UBR3: variants seen among roughly 807,000 people sequenced by gnomAD.
UBR3 encodes the protein E3 ubiquitin-protein ligase UBR3.
A neutral mutation model predicts 243.2 loss-of-function variants in UBR3; 85 were observed. The ratio of observed to expected loss-of-function variants is 0.35; its 90% CI spans 0.29 to 0.42. The LOEUF (loss-of-function observed/expected upper bound fraction) is 0.42, where lower values mean the gene tolerates loss of function less well. UBR3 is among the 10% of genes least tolerant of loss of function. The pLI is 1.00. For missense variants in UBR3, 1,686 were observed against 2,300.8 expected (o/e 0.73, Z 5.47); for synonymous variants, 748 against 799.8 (o/e 0.94, Z 1.09).
At chr2:170,001,547 A>C in intron 27 of UBR3, 133 bp downstream of exon 27, 1 of 597,728 alleles carries the variant, frequency 1.7e-6, no homozygotes, top group Non-Finnish European at 3.0e-6. Context: ...ATCCAGTCTC[A>C]CTTTAACACA....
intron 33 of UBR3, among the ~76,000 whole-genome samples, chr2:170,059,730 C>G (rs2091419843): frequency 6.7e-6 from 1 of 149,790 alleles, no homozygotes; most frequent in Middle Eastern, 3.2e-3. Context: ...AGTTTAGAAT[C>G]AGGACATAAT....
intron 1 of UBR3, among the ~76,000 whole-genome samples, chr2:169,840,337 A>G (rs2082249136): frequency 6.6e-6 from 1 of 152,088 alleles, no homozygotes; most frequent in Non-Finnish European, 1.5e-5. Context: ...ATTTCCTTGA[A>G]ATGCATGAGG....
intron 25 of UBR3, among the ~76,000 whole-genome samples, chr2:169,992,000 T>A (rs1043752733): frequency 2.6e-5 from 4 of 152,018 alleles, no homozygotes; most frequent in African/African-American, 9.7e-5. Flanking sequence ...TAGAATGCAG[T>A]GAAAATGGGG....
chr2:169,828,236 G>A (rs575341617), intron 1 of UBR3, among the ~76,000 whole-genome samples, 184 bp downstream of exon 1: 3 of 152,214 alleles, frequency 2.0e-5, no homozygotes, highest in South Asian at 2.1e-4. Context: ...AGGAGAAGGA[G>A]GGGAGAGGAG....
chr2:170,067,789 T>C (rs2091608957), intron 35 of UBR3, among the ~76,000 whole-genome samples: 1 of 126,746 alleles, frequency 7.9e-6, no homozygotes, highest in Admixed American at 8.0e-5. Context: ...TTTTTTTTTT[T>C]GAGACAGTTT....
rs1261660983 is a variant in UBR3 at position 170,081,410 on chromosome 2, G to T, written c.5550-316G>T. Among the ~76,000 whole-genome samples, 3 of 152,220 alleles carry T rather than the reference G, an allele frequency of 2.0e-5. No individual in the cohort carries two copies. In the East Asian group the frequency reaches 5.8e-4, roughly 29 times the overall value. On this transcript the variant is annotated intron_variant, in intron 38 of 38. Transcript: ENST00000272793. ...AGCTACTCTAGAGGCTGAGGCAGGA[G>T]AATGGCATGAACTCGGGAGGCGGAG...
Position 169,913,979 on chromosome 2 carries a change from T to C in UBR3, c.1780-81T>C, listed in dbSNP as rs748386397. On this transcript the variant is annotated intron_variant, in intron 10 of 38. Coordinates refer to ENST00000272793, the MANE Select transcript of UBR3 (RefSeq NM_172070.4). ...ATTTTACCATTTTATATATACACAA[T>C]GCATATAATTACATATAATTTAATG... 380 of 566,304 alleles carry C rather than the reference T, an allele frequency of 6.7e-4. 2 individuals are homozygous for C. The highest frequency in any genetic ancestry group is 9.1e-4 in the Non-Finnish European group (344 of 379,024). 35.1% of individuals were successfully genotyped at this position (566,304 alleles called of 1,614,324 possible).
chr2:169,987,676 C>T, intron 25 of UBR3, among the ~76,000 whole-genome samples: 1 of 151,798 alleles, frequency 6.6e-6, no homozygotes, highest in African/African-American at 2.4e-5. Context: ...AGTGATAATT[C>T]TTGTACAATC....
chr2:169,911,108 C>A (rs991625329), intron 10 of UBR3, among the ~76,000 whole-genome samples: 5 of 152,118 alleles, frequency 3.3e-5, no homozygotes, highest in South Asian at 2.1e-4. Context: ...ACATTAAGGG[C>A]TAGTTAAAAA....
intron 32 of UBR3, among the ~76,000 whole-genome samples, chr2:170,042,720 CT>C (rs575169870): frequency 0.022 from 2,919 of 133,560 alleles, 96 homozygotes; most frequent in African/African-American, 0.073. Context: ...TTTTTGAACA[CT>C]TTTTTTTTTT....
At chr2:170,053,297 A>G (rs1255529894) in intron 32 of UBR3, among the ~76,000 whole-genome samples, 1 of 152,188 alleles carries the variant, frequency 6.6e-6, no homozygotes, top group African/African-American at 2.4e-5. Flanking sequence ...GAATTTTGGT[A>G]TGTACTAGGA....
intron 38 of UBR3, 54 bp from the exon 39 acceptor site, chr2:170,081,672 C>A: frequency 1.5e-6 from 2 of 1,301,904 alleles, no homozygotes; most frequent in Non-Finnish European, 2.1e-6. Flanking sequence ...GAAAGAAATG[C>A]ATGTGAAATC....
chr2:170,031,109 T>G (rs1034666972), intron 31 of UBR3, among the ~76,000 whole-genome samples: 13 of 152,152 alleles, frequency 8.5e-5, no homozygotes, highest in Non-Finnish European at 2.9e-5. Flanking sequence ...CTCTTTATTT[T>G]TATTATTTGT....
At chr2:169,836,073 T>A (rs1279562073) in intron 1 of UBR3, among the ~76,000 whole-genome samples, 1,855 of 67,490 alleles carry the variant, frequency 0.027, 74 homozygotes, top group Non-Finnish European at 0.036. Flanking sequence ...ATATATTTTT[T>A]TTTTTTTTTT....
chr2:169,842,440 A>G (rs2082328595), intron 1 of UBR3, among the ~76,000 whole-genome samples: 1 of 152,158 alleles, frequency 6.6e-6, no homozygotes, highest in Non-Finnish European at 1.5e-5. Flanking sequence ...CCTAGCCAGC[A>G]TTGGCAACCC....
At chr2:169,925,271 A>G (rs1284002022) in intron 13 of UBR3, among the ~76,000 whole-genome samples, 1 of 152,174 alleles carries the variant, frequency 6.6e-6, no homozygotes, top group Non-Finnish European at 1.5e-5. Flanking sequence ...CATGTATATT[A>G]GGATTGTTGT....
At chr2:169,943,038 C>A (rs1218968960) in intron 20 of UBR3, among the ~76,000 whole-genome samples, 3 of 152,152 alleles carry the variant, frequency 2.0e-5, no homozygotes, top group African/African-American at 7.2e-5. Flanking sequence ...TTTGCTTTTT[C>A]CCTCTAATCA....
rs142409333 is a variant in UBR3, at chr2:170,006,367, T to C, written c.4030-623T>C. 9.2e-3 allele frequency among the ~76,000 whole-genome samples: 1,407 copies of C among 152,298 alleles called. 24 individuals carry two copies. The highest frequency in any genetic ancestry group is 0.032 in the African/African-American group (1,314 of 41,570). On this transcript the variant is annotated intron_variant, in intron 27 of 38. Transcript: ENST00000272793. ...TTGTAGAATTGGATTTAGGAAGATA[T>C]GTTGTTACATTTTTAAGGACTTAAA...
At chr2:170,066,307 A>T (rs941779575) in intron 35 of UBR3, among the ~76,000 whole-genome samples, 1 of 152,218 alleles carries the variant, frequency 6.6e-6, no homozygotes, top group African/African-American at 2.4e-5. Flanking sequence ...GTTAGGACTA[A>T]TGATAGTAAC....
Sources: allele counts gnomAD v4.1 joint callset (sites outside exome capture counted in the v4.1 genomes callset), GRCh38; gene constraint gnomAD v4.1.1; transcripts MANE v1.5; gene names NCBI Gene and HGNC (gene_info 2026-07-23, HGNC 2026-07-21).